The following SSBP2 variants were observed in gnomAD, a reference collection of about 807,000 sequenced individuals.
SSBP2 encodes single-stranded DNA-binding protein 2.
SSBP2 carries 17 observed loss-of-function variants against 61.8 expected under a neutral mutation model. That is an observed-to-expected ratio of 0.28 (90% CI 0.19 to 0.41). SSBP2 has a LOEUF of 0.41. Among genes scored for constraint, SSBP2 ranks in the 10% least tolerant of loss-of-function variants. SSBP2 has a pLI of 1.00. For missense variants in SSBP2, 310 were observed against 458.7 expected, an observed-to-expected ratio of 0.68 and a Z score of 2.96; for synonymous variants, 139 against 141.3, an observed-to-expected ratio of 0.98 and a Z score of 0.12.
intron 4 of SSBP2, among the ~76,000 whole-genome samples, chr5:81,516,155 C>T (rs939920961): frequency 4.6e-5 from 7 of 152,108 alleles, no homozygotes; most frequent in African/African-American, 1.4e-4. Context: ...ATAGGATAGT[C>T]AAGCAATCAA....
intron 4 of SSBP2, among the ~76,000 whole-genome samples, chr5:81,555,779 A>G (rs1387986493): frequency 6.6e-6 from 1 of 152,156 alleles, no homozygotes; most frequent in East Asian, 1.9e-4. Context: ...CAGTTTGTAA[A>G]GTGATTTTCT....
intron 4 of SSBP2, among the ~76,000 whole-genome samples, chr5:81,582,882 C>T (rs773830027): frequency 4.6e-5 from 7 of 152,052 alleles, no homozygotes; most frequent in Non-Finnish European, 7.4e-5. Flanking sequence ...TGTGAGCAAC[C>T]GCACCTGGCC....
chr5:81,431,358 AC>A (rs1762272173), intron 15 of SSBP2, among the ~76,000 whole-genome samples: 2 of 152,212 alleles, frequency 1.3e-5, no homozygotes, highest in Non-Finnish European at 2.9e-5. Context: ...TTAGGATTAT[AC>A]TGATACCAAC....
Position 81,419,766 on chromosome 5 carries a change from C to T in SSBP2, c.*738G>A, listed in dbSNP as rs1249125169. On this transcript the variant is annotated 3_prime_UTR_variant, in exon 17 of 17. Transcript: ENST00000320672. ...TATACTGTGTGAGGCCCCAGTTAAGCTTTTACTGATTTGAAGTGTTTTTCT... is the reference window on the plus strand; with the variant it reads ...TATACTGTGTGAGGCCCCAGTTAAGTTTTTACTGATTTGAAGTGTTTTTCT... 1 of 152,134 alleles carries T rather than the reference C, an allele frequency of 6.6e-6. No individual in the cohort carries two copies. The highest frequency in any genetic ancestry group is 2.4e-5 in the African/African-American group (1 of 41,420). The allele number at this position is 152,134 out of a possible 1,614,324, so 9.4% of individuals were successfully genotyped here.
intron 1 of SSBP2, among the ~76,000 whole-genome samples, chr5:81,659,541 C>T (rs1444231127): frequency 6.6e-6 from 1 of 152,106 alleles, no homozygotes; most frequent in Non-Finnish European, 1.5e-5. Context: ...AAAAACATTC[C>T]ATGCTTATGG....
chr5:81,496,158 C>A (rs1315261335), intron 5 of SSBP2, among the ~76,000 whole-genome samples: 1 of 151,990 alleles, frequency 6.6e-6, no homozygotes, highest in Non-Finnish European at 1.5e-5. Context: ...AAGTAGCTTC[C>A]AAATTTGAAA....
At chr5:81,510,417 T>A (rs1768505063) in intron 5 of SSBP2, among the ~76,000 whole-genome samples, 1 of 152,212 alleles carries the variant, frequency 6.6e-6, no homozygotes, top group Non-Finnish European at 1.5e-5. Flanking sequence ...ATCTACTTCT[T>A]ATCTCCCCAT....
chr5:81,481,455 C>G (rs1047416167), intron 6 of SSBP2, among the ~76,000 whole-genome samples: 1 of 151,820 alleles, frequency 6.6e-6, no homozygotes, highest in African/African-American at 2.4e-5. Flanking sequence ...AACCCCATCT[C>G]TACTAAAAAT....
intron 4 of SSBP2, among the ~76,000 whole-genome samples, chr5:81,549,716 A>G (rs919141990): frequency 2.6e-5 from 4 of 152,230 alleles, no homozygotes; most frequent in Admixed American, 2.0e-4. Flanking sequence ...ATCATTTTTA[A>G]GCAATGTTAT....
intron 5 of SSBP2, among the ~76,000 whole-genome samples, chr5:81,492,022 C>T (rs189908817): frequency 2.0e-5 from 3 of 152,196 alleles, no homozygotes; most frequent in African/African-American, 4.8e-5. Context: ...ATAATCTGCA[C>T]TAGTATCTGT....
intron 4 of SSBP2, among the ~76,000 whole-genome samples, chr5:81,611,765 A>G (rs1394704452): frequency 6.6e-6 from 1 of 152,052 alleles, no homozygotes; most frequent in African/African-American, 2.4e-5. Context: ...AATATATATT[A>G]TTTTTACAAT....
At chr5:81,679,500 T>A (rs920770978) in intron 1 of SSBP2, among the ~76,000 whole-genome samples, 1 of 152,194 alleles carries the variant, frequency 6.6e-6, no homozygotes, top group African/African-American at 2.4e-5. Flanking sequence ...AACCATATAG[T>A]GGTATAGTGT....
intron 1 of SSBP2, among the ~76,000 whole-genome samples, chr5:81,696,764 T>C (rs550069571): frequency 6.6e-6 from 1 of 152,186 alleles, no homozygotes; most frequent in Non-Finnish European, 1.5e-5. Context: ...GGGGGCAGCA[T>C]ATAGAGTGAT....
chr5:81,463,531 C>A (rs2154003582), intron 9 of SSBP2, among the ~76,000 whole-genome samples: 1 of 152,178 alleles, frequency 6.6e-6, no homozygotes, highest in South Asian at 2.1e-4. Context: ...GAAACCCCAT[C>A]TACACAAAAA....
Position 81,641,115 on chromosome 5 carries a change from C to T in SSBP2, c.136-4497G>A, listed in dbSNP as rs181925990. Among the ~76,000 whole-genome samples, 328 of 152,172 alleles carry T rather than the reference C, an allele frequency of 2.2e-3. 1 individual carries two copies. The highest frequency in any genetic ancestry group is 3.7e-3 in the Non-Finnish European group (252 of 68,010). ...GACTAGGTTTCAATGCCAGGGTGTGCGGGAGGTAGGATTAGACTCACAGTC... is the reference window on the plus strand; with the variant it reads ...GACTAGGTTTCAATGCCAGGGTGTGTGGGAGGTAGGATTAGACTCACAGTC... On this transcript the variant is annotated intron_variant, in intron 2 of 16. Coordinates refer to ENST00000320672, the MANE Select transcript of SSBP2 (RefSeq NM_012446.5).
At chr5:81,573,988 A>C (rs951356773) in intron 4 of SSBP2, among the ~76,000 whole-genome samples, 1 of 152,034 alleles carries the variant, frequency 6.6e-6, no homozygotes, top group African/African-American at 2.4e-5. Context: ...AAAAACAGAA[A>C]AAATTAGCCA....
chr5:81,502,472 C>T (rs762725793), intron 5 of SSBP2, among the ~76,000 whole-genome samples: 2 of 152,128 alleles, frequency 1.3e-5, no homozygotes, highest in Non-Finnish European at 2.9e-5. Context: ...TTGATGTCAT[C>T]CAGGCTCATA....
chr5:81,678,317 AAT>A (rs1237597247), intron 1 of SSBP2, among the ~76,000 whole-genome samples: 2 of 152,128 alleles, frequency 1.3e-5, no homozygotes, highest in African/African-American at 2.4e-5. Context: ...CTGAAGGAAG[AAT>A]CTCTAAACTT....
chr5:81,465,982 T>C (rs1354317427), intron 9 of SSBP2, among the ~76,000 whole-genome samples: 1 of 151,962 alleles, frequency 6.6e-6, no homozygotes. Context: ...GAAAATGGCT[T>C]CAGAAACTTA....
Sources: allele counts gnomAD v4.1 joint callset (sites outside exome capture counted in the v4.1 genomes callset), GRCh38; gene constraint gnomAD v4.1.1; transcripts MANE v1.5; gene names NCBI Gene and HGNC (gene_info 2026-07-23, HGNC 2026-07-21).